Variants in PTPRT observed in about 807,000 individuals in gnomAD.
PTPRT encodes protein tyrosine phosphatase receptor type T.
PTPRT carries 56 observed loss-of-function variants against 176.8 expected under a neutral mutation model. The observed-to-expected ratio is 0.32, with a 90% CI of 0.26 to 0.40. The LOEUF (loss-of-function observed/expected upper bound fraction) is 0.40. Ranked by LOEUF, PTPRT falls within the 10% of genes least tolerant of loss-of-function variation. The pLI, the probability that PTPRT is intolerant of heterozygous loss-of-function variation, is 1.00. For missense variants in PTPRT, 1,540 were observed against 1,908.2 expected, an observed-to-expected ratio of 0.81 and a Z score of 3.60; for synonymous variants, 783 against 739.0, an observed-to-expected ratio of 1.06 and a Z score of -0.96.
intron 1 of PTPRT, among the ~76,000 whole-genome samples, chr20:43,030,707 TA>T (rs1043699712): frequency 2.0e-5 from 3 of 152,150 alleles, no homozygotes; most frequent in African/African-American, 7.2e-5. Flanking sequence ...TGGAGACATC[TA>T]AAGCAGGGGA....
intron 7 of PTPRT, among the ~76,000 whole-genome samples, chr20:42,624,605 G>A (rs1245590031): frequency 1.3e-5 from 2 of 152,006 alleles, no homozygotes; most frequent in Admixed American, 1.3e-4. Context: ...AAGAGTCTTG[G>A]TCCCCATAAC....
At chr20:43,170,569 C>A (rs1189265370) in intron 1 of PTPRT, among the ~76,000 whole-genome samples, 1 of 152,162 alleles carries the variant, frequency 6.6e-6, no homozygotes, top group Non-Finnish European at 1.5e-5. Flanking sequence ...ACGACACATG[C>A]GTGAGTTAAC....
At chr20:43,153,604 G>A (rs534470809) in intron 1 of PTPRT, among the ~76,000 whole-genome samples, 8 of 151,680 alleles carry the variant, frequency 5.3e-5, no homozygotes, top group East Asian at 1.9e-4. Context: ...AGGACTCTCC[G>A]GATACATAAA....
intron 2 of PTPRT, among the ~76,000 whole-genome samples, chr20:42,881,724 CAAA>C (rs112191705): frequency 0.038 from 1,383 of 36,252 alleles, 7 homozygotes; most frequent in African/African-American, 0.059. Context: ...CACTCTGTCT[CAAA>C]AAAAAAAAAA....
chr20:43,067,559 G>A (rs1303682956), intron 1 of PTPRT, among the ~76,000 whole-genome samples: 6 of 152,178 alleles, frequency 3.9e-5, no homozygotes, highest in Admixed American at 3.3e-4. Flanking sequence ...TTTTGGAGCA[G>A]AGGAGTGATA....
At chr20:42,381,403 C>T (rs1005549955) in intron 9 of PTPRT, among the ~76,000 whole-genome samples, 8 of 152,152 alleles carry the variant, frequency 5.3e-5, no homozygotes, top group African/African-American at 1.9e-4. Context: ...TGACTAGCAA[C>T]GTTCAGCTTG....
chr20:42,496,850 T>C (rs1445193989), intron 7 of PTPRT, among the ~76,000 whole-genome samples: 1 of 152,098 alleles, frequency 6.6e-6, no homozygotes, highest in African/African-American at 2.4e-5. Context: ...GCTCTCTTTA[T>C]ACCGTTGACA....
intron 13 of PTPRT, chr20:42,270,499 G>A: frequency 6.5e-7 from 1 of 1,532,374 alleles, no homozygotes; most frequent in Non-Finnish European, 8.8e-7. Context: ...AGAAGAGAAG[G>A]AGAGAAAGAA....
At position 42,639,731 on chromosome 20, in the gene PTPRT, A is replaced by G. The variant is rs555546712; in HGVS notation, c.1153+38135T>C. Among the ~76,000 whole-genome samples the G allele has an allele frequency of 3.9e-5, 6 of 152,124 alleles. 1 individual carries two copies. Among genetic ancestry groups the G allele is most frequent in the Non-Finnish European group, 8.8e-5 (6 of 68,030 alleles). On this transcript the variant is annotated intron_variant, in intron 7 of 30. Transcript: ENST00000373187. ...AAATTTCAGGACACTAGGAGACACA[A>G]ACCAATCAAAAGATTTCACATGCTC...
At chr20:43,095,288 A>G (rs1270895483) in intron 1 of PTPRT, among the ~76,000 whole-genome samples, 1 of 152,104 alleles carries the variant, frequency 6.6e-6, no homozygotes, top group African/African-American at 2.4e-5. Context: ...GTCACCTGCC[A>G]TTAGTCATTT....
At chr20:42,770,437 A>T (rs2145458497) in intron 5 of PTPRT, among the ~76,000 whole-genome samples, 1 of 152,326 alleles carries the variant, frequency 6.6e-6, no homozygotes, top group South Asian at 2.1e-4. Flanking sequence ...TGCTAATGTT[A>T]TAACAAGTTA....
intron 1 of PTPRT, among the ~76,000 whole-genome samples, chr20:43,020,774 G>A (rs1380502509): frequency 6.6e-6 from 1 of 152,188 alleles, no homozygotes; most frequent in Non-Finnish European, 1.5e-5. Flanking sequence ...CAAAGCTAGA[G>A]GAGGCACTGC....
At chr20:43,108,155 G>A (rs527797104) in intron 1 of PTPRT, among the ~76,000 whole-genome samples, 2 of 152,174 alleles carry the variant, frequency 1.3e-5, no homozygotes, top group South Asian at 4.1e-4. Flanking sequence ...AGTAGGATAT[G>A]GCAGAAGTCA....
the PTPRT span, among the ~76,000 whole-genome samples, chr20:42,042,630 T>G: frequency 6.6e-6 from 1 of 152,136 alleles, no homozygotes; most frequent in South Asian, 2.1e-4. Context: ...ACATAGTACC[T>G]CCCTCATATC....
intron 6 of PTPRT, among the ~76,000 whole-genome samples, chr20:42,695,029 C>T (rs1223867367): frequency 1.3e-5 from 2 of 152,110 alleles, no homozygotes; most frequent in African/African-American, 2.4e-5. Context: ...TTTGGGAGGC[C>T]GAGGCGGGAG....
At chr20:42,844,807 C>A (rs2078340499) in intron 2 of PTPRT, among the ~76,000 whole-genome samples, 1 of 152,186 alleles carries the variant, frequency 6.6e-6, no homozygotes, top group South Asian at 2.1e-4. Context: ...GGGTCAGACC[C>A]CATGCTAGGA....
intron 8 of PTPRT, among the ~76,000 whole-genome samples, chr20:42,464,972 A>G (rs139204617): frequency 1.3e-3 from 193 of 152,300 alleles, no homozygotes; most frequent in African/African-American, 4.5e-3. Context: ...CAATTCAAGT[A>G]CATGAGTTTT....
At chr20:42,305,394 T>C (rs1027478471) in intron 12 of PTPRT, among the ~76,000 whole-genome samples, 1 of 151,964 alleles carries the variant, frequency 6.6e-6, no homozygotes, top group Non-Finnish European at 1.5e-5. Context: ...TAATTGAACA[T>C]GTATACATAC....
intron 1 of PTPRT, among the ~76,000 whole-genome samples, chr20:43,098,323 C>G (rs1200356733): frequency 6.6e-6 from 1 of 152,190 alleles, no homozygotes. Context: ...AGCTGAAAGA[C>G]CTTGGCCATG....
Sources: gnomAD v4.1 joint callset for allele counts (sites outside exome capture counted in the v4.1 genomes callset) on GRCh38, gnomAD v4.1.1 for gene constraint, MANE v1.5 for transcripts, NCBI Gene and HGNC (gene_info 2026-07-23, HGNC 2026-07-21) for gene names.